The following CNTNAP5 variants were observed in gnomAD, a reference collection of about 807,000 sequenced individuals.
CNTNAP5 encodes contactin-associated protein-like 5.
Under a neutral mutation model 150.2 loss-of-function variants are expected in CNTNAP5, and 72 were observed. The ratio of observed to expected loss-of-function variants is 0.48; its 90% confidence interval spans 0.40 to 0.58. CNTNAP5 has a LOEUF of 0.58. CNTNAP5 is among the 20% of genes least tolerant of loss of function. The pLI is 0.00. For missense variants in CNTNAP5, 1,636 were observed against 1,626.2 expected (o/e 1.01, Z -0.10); for synonymous variants, 672 against 619.8 (o/e 1.08, Z -1.25).
At chr2:124,666,583 G>T (rs905316494) in intron 13 of CNTNAP5, among the ~76,000 whole-genome samples, 2 of 152,084 alleles carry the variant, frequency 1.3e-5, no homozygotes, top group African/African-American at 4.8e-5. Flanking sequence ...CGCTTTTTCA[G>T]ATTTCTCTAG....
chr2:124,770,023 A>G (rs545779748), intron 16 of CNTNAP5, among the ~76,000 whole-genome samples: 4 of 152,324 alleles, frequency 2.6e-5, no homozygotes, highest in African/African-American at 9.6e-5. Context: ...TACTGATTCT[A>G]GGAGGTGCAG....
rs549207857 is a variant in CNTNAP5, at chr2:124,074,838, T to G, written c.82+49106T>G. Reference sequence around the variant, plus strand: ...CATCTATTGTCATTATTATTATGATTTTATGCAACTGCCAATATTACTCCT... The same window carrying G: ...CATCTATTGTCATTATTATTATGATGTTATGCAACTGCCAATATTACTCCT... On this transcript the variant is annotated intron_variant, in intron 1 of 23. Coordinates refer to ENST00000682447, the MANE Select transcript of CNTNAP5 (RefSeq NM_001367498.1). Among the ~76,000 whole-genome samples the G allele has an allele frequency of 4.0e-4, 61 of 152,228 alleles. 3 individuals carry two copies. The South Asian group carries it at 0.012, about 31-fold the overall frequency.
intron 8 of CNTNAP5, among the ~76,000 whole-genome samples, chr2:124,511,164 G>GACATTTCATA (rs1218610064): frequency 3.3e-4 from 51 of 152,240 alleles, no homozygotes; most frequent in African/African-American, 1.2e-3. Flanking sequence ...AAGAAAACAG[G>GACATTTCATA]ACATTTCATA....
chr2:124,195,752 G>A (rs1480520518), intron 1 of CNTNAP5, among the ~76,000 whole-genome samples: 1 of 152,122 alleles, frequency 6.6e-6, no homozygotes, highest in East Asian at 1.9e-4. Context: ...ATGGTGTGGT[G>A]GGGAGTGATG....
intron 13 of CNTNAP5, among the ~76,000 whole-genome samples, chr2:124,698,709 G>C (rs1679457193): frequency 6.6e-6 from 1 of 152,064 alleles, no homozygotes; most frequent in Non-Finnish European, 1.5e-5. Context: ...TTCCACTGCT[G>C]ACTCCTGAGA....
intron 3 of CNTNAP5, among the ~76,000 whole-genome samples, chr2:124,375,914 G>A (rs964786471): frequency 6.6e-6 from 1 of 152,038 alleles, no homozygotes; most frequent in African/African-American, 2.4e-5. Context: ...TATTCCAAAT[G>A]CTTTGATGAG....
intron 3 of CNTNAP5, among the ~76,000 whole-genome samples, chr2:124,246,698 G>A (rs942744527): frequency 2.0e-5 from 3 of 152,080 alleles, no homozygotes; most frequent in African/African-American, 7.2e-5. Context: ...TAACCACAAT[G>A]TTGAGCCCTT....
At chr2:124,171,133 A>G (rs1006752059) in intron 1 of CNTNAP5, among the ~76,000 whole-genome samples, 5 of 152,182 alleles carry the variant, frequency 3.3e-5, no homozygotes, top group Non-Finnish European at 7.3e-5. Context: ...TCAAAACAGG[A>G]TAGAGTTACA....
chr2:124,613,662 C>T (rs1019060965), intron 12 of CNTNAP5, among the ~76,000 whole-genome samples: 13 of 152,166 alleles, frequency 8.5e-5, no homozygotes, highest in Non-Finnish European at 1.9e-4. Flanking sequence ...CCCTGGGGAA[C>T]GTTAGCTCCC....
intron 7 of CNTNAP5, 71 bp downstream of exon 7, chr2:124,474,953 A>G (rs1693604695): frequency 7.5e-7 from 1 of 1,339,736 alleles, no homozygotes; most frequent in Non-Finnish European, 1.0e-6. Flanking sequence ...TCACCAGCCC[A>G]TTCCTGAACC....
rs897728280 is a variant in CNTNAP5 at position 124,915,672 on chromosome 2, G to A, written c.*1384G>A. 6.6e-6 allele frequency among the ~76,000 whole-genome samples: 1 copy of A among 151,928 alleles called. No homozygotes were observed. Among genetic ancestry groups the A allele is most frequent in the Admixed American group, 6.6e-5 (1 of 15,242 alleles). The stretch of plus-strand genomic sequence containing the variant: ...ATAGGCTTAAACTCCCAAAAGAGGT[G>A]GTGACAAATTTCAGGGTCTTTGTCC... On this transcript the variant is annotated 3_prime_UTR_variant, in exon 24 of 24. Transcript: ENST00000682447.
chr2:124,449,475 ACT>A (rs1049427666), intron 6 of CNTNAP5, among the ~76,000 whole-genome samples: 1 of 152,040 alleles, frequency 6.6e-6, no homozygotes, highest in African/African-American at 2.4e-5. Flanking sequence ...TCTAAAATTC[ACT>A]CTGTTGCCAG....
At chr2:124,496,698 G>A (rs901951063) in intron 7 of CNTNAP5, among the ~76,000 whole-genome samples, 2 of 152,164 alleles carry the variant, frequency 1.3e-5, no homozygotes, top group Non-Finnish European at 2.9e-5. Context: ...TAGTTTCCTG[G>A]AGTGGCGGGA....
intron 4 of CNTNAP5, among the ~76,000 whole-genome samples, chr2:124,423,551 G>A (rs867711231): frequency 6.6e-6 from 1 of 150,690 alleles, no homozygotes; most frequent in African/African-American, 2.4e-5. Flanking sequence ...GTAGAGACGG[G>A]GTTTCACCGT....
At chr2:124,817,701 G>C (rs1301012203) in intron 19 of CNTNAP5, among the ~76,000 whole-genome samples, 2 of 152,124 alleles carry the variant, frequency 1.3e-5, no homozygotes, top group Non-Finnish European at 2.9e-5. Flanking sequence ...AGTGTGACTT[G>C]AGGAAGTTAC....
At chr2:124,357,246 C>T (rs896959975) in intron 3 of CNTNAP5, among the ~76,000 whole-genome samples, 3 of 152,086 alleles carry the variant, frequency 2.0e-5, no homozygotes, top group African/African-American at 7.2e-5. Flanking sequence ...TTTTCTCCCA[C>T]TTTTTAGGTT....
At chr2:124,243,394 T>G (rs542824463) in intron 3 of CNTNAP5, among the ~76,000 whole-genome samples, 271 of 152,310 alleles carry the variant, frequency 1.8e-3, no homozygotes, top group Non-Finnish European at 3.2e-3. Context: ...AAATAACTTC[T>G]GTTTTATATA....
chr2:124,747,079 G>A (rs1680618196), intron 13 of CNTNAP5, 150 bp from the exon 14 acceptor site: 1 of 609,928 alleles, frequency 1.6e-6, no homozygotes, highest in Admixed American at 3.7e-5. Flanking sequence ...AAAGGGAAGG[G>A]GGGATGTGAG....
intron 6 of CNTNAP5, among the ~76,000 whole-genome samples, chr2:124,452,216 G>A (rs1326880633): frequency 6.6e-6 from 1 of 152,116 alleles, no homozygotes; most frequent in Non-Finnish European, 1.5e-5. Flanking sequence ...CACGGTGAGA[G>A]TGAGACCAGC....
Sources: gnomAD v4.1 joint callset for allele counts (sites outside exome capture counted in the v4.1 genomes callset) on GRCh38, gnomAD v4.1.1 for gene constraint, MANE v1.5 for transcripts, NCBI Gene and HGNC (gene_info 2026-07-23, HGNC 2026-07-21) for gene names.